Variants in MED13L observed in about 807,000 individuals in gnomAD.
The protein encoded by MED13L is mediator of RNA polymerase II transcription subunit 13-like.
In MED13L, 7 loss-of-function variants were observed where a neutral mutation model predicts 220.9. That is an observed-to-expected ratio of 0.03 (90% CI 0.02 to 0.06). The LOEUF is 0.06. Among genes scored for constraint, MED13L ranks in the 10% least tolerant of loss-of-function variants. The probability of loss-of-function intolerance (pLI) is 1.00; values close to 1 mark genes in which losing one functional copy is unlikely to be tolerated. For missense variants in MED13L, 1,965 were observed against 2,760.5 expected (o/e 0.71, Z 6.46); for synonymous variants, 1,011 against 1,015.2 (o/e 1.00, Z 0.08).
At chr12:116,211,533 C>T (rs1366216166) in intron 2 of MED13L, among the ~76,000 whole-genome samples, 2 of 152,116 alleles carry the variant, frequency 1.3e-5, no homozygotes, top group African/African-American at 4.8e-5. Flanking sequence ...CATTTCTAAA[C>T]TAAGTATCGG....
intron 1 of MED13L, among the ~76,000 whole-genome samples, chr12:116,272,738 G>A (rs1016095648): frequency 6.6e-6 from 1 of 152,088 alleles, no homozygotes; most frequent in Admixed American, 6.5e-5. Context: ...TAGCATACAG[G>A]CCTAAGGTAC....
At chr12:116,152,899 A>G (rs896945220) in intron 2 of MED13L, among the ~76,000 whole-genome samples, 1 of 152,094 alleles carries the variant, frequency 6.6e-6, no homozygotes, top group Non-Finnish European at 1.5e-5. Flanking sequence ...TATTCTATCT[A>G]GATTTTCATA....
intron 1 of MED13L, among the ~76,000 whole-genome samples, chr12:116,264,590 A>T (rs996355795): frequency 6.6e-6 from 1 of 152,146 alleles, no homozygotes; most frequent in Non-Finnish European, 1.5e-5. Flanking sequence ...CCTTTCTTAG[A>T]TCATCACATC....
At chr12:116,233,469 G>C (rs1041432287) in intron 2 of MED13L, among the ~76,000 whole-genome samples, 2 of 151,990 alleles carry the variant, frequency 1.3e-5, no homozygotes, top group African/African-American at 4.8e-5. Context: ...AAGTCTAAAT[G>C]TCTTATCCTT....
intron 4 of MED13L, among the ~76,000 whole-genome samples, chr12:116,031,186 A>T (rs1880713856): frequency 6.6e-6 from 1 of 152,290 alleles, no homozygotes; most frequent in East Asian, 1.9e-4. Context: ...AATCCCTTTT[A>T]AAAAATGGAG....
intron 28 of MED13L, among the ~76,000 whole-genome samples, chr12:115,966,881 C>A (rs1876202160): frequency 6.6e-6 from 1 of 152,096 alleles, no homozygotes; most frequent in South Asian, 2.1e-4. Context: ...TTTTAAAAGT[C>A]TCTGTTTATG....
chr12:116,006,286 C>T lies in MED13L; in HGVS notation c.2344+20G>A. 1 of 1,598,460 alleles carries T rather than the reference C, an allele frequency of 6.3e-7. No homozygotes were observed. The highest frequency in any genetic ancestry group is 1.1e-5 in the South Asian group (1 of 90,758). On this transcript the variant is annotated intron_variant, in intron 12 of 30. Transcript: ENST00000281928. ...CATTTTAGCAACAATCCAAGTGAGGCAAATAATCATTGTACACACCTGTTT... is the reference window on the plus strand; with the variant it reads ...CATTTTAGCAACAATCCAAGTGAGGTAAATAATCATTGTACACACCTGTTT...
At chr12:116,201,235 AC>A (rs1233161781) in intron 2 of MED13L, among the ~76,000 whole-genome samples, 1 of 152,218 alleles carries the variant, frequency 6.6e-6, no homozygotes, top group Middle Eastern at 3.2e-3. Flanking sequence ...TGAAAATGTT[AC>A]ACGAAGAAGT....
intron 2 of MED13L, among the ~76,000 whole-genome samples, chr12:116,209,185 A>C (rs922619202): frequency 1.3e-5 from 2 of 152,184 alleles, no homozygotes; most frequent in African/African-American, 4.8e-5. Context: ...TCGGAGCCTA[A>C]TGGTTTTTTA....
intron 2 of MED13L, among the ~76,000 whole-genome samples, chr12:116,128,460 G>C (rs1052601873): frequency 6.7e-6 from 1 of 150,038 alleles, no homozygotes; most frequent in Non-Finnish European, 1.5e-5. Flanking sequence ...AAAAAAACAA[G>C]AAAATAAATT....
rs1555239023 is a variant in MED13L at position 115,958,946 on chromosome 12, C to T, written c.*2320G>A. The T allele has an allele frequency of 6.7e-6, 1 of 148,904 alleles. No individual in the cohort carries two copies. The highest frequency in any genetic ancestry group is 1.5e-5 in the Non-Finnish European group (1 of 65,584). 9.2% of individuals were successfully genotyped at this position (148,904 alleles called of 1,614,324 possible). On this transcript the variant is annotated 3_prime_UTR_variant, in exon 31 of 31. Transcript: ENST00000281928. ...CACCCTTTTCCCCTCCCCATTTCCC[C>T]TTTTTTTGTTCAAACCATGGTAAGA...
At chr12:116,089,224 C>A (rs756155735) in intron 4 of MED13L, among the ~76,000 whole-genome samples, 8 of 152,108 alleles carry the variant, frequency 5.3e-5, no homozygotes, top group Admixed American at 1.3e-4. Context: ...TCACTAAATT[C>A]TTTTCTATAA....
intron 4 of MED13L, among the ~76,000 whole-genome samples, chr12:116,045,504 A>G (rs1304690855): frequency 6.6e-6 from 1 of 152,206 alleles, no homozygotes; most frequent in Non-Finnish European, 1.5e-5. Flanking sequence ...TTCCTTTACT[A>G]GCCCCTGTGG....
intron 4 of MED13L, among the ~76,000 whole-genome samples, chr12:116,083,553 G>A (rs1871382246): frequency 6.6e-6 from 1 of 152,118 alleles, no homozygotes; most frequent in Non-Finnish European, 1.5e-5. Context: ...AATTAAGAAT[G>A]GGAGTTATAA....
At chr12:116,249,452 C>T (rs1871330668) in intron 1 of MED13L, among the ~76,000 whole-genome samples, 1 of 151,824 alleles carries the variant, frequency 6.6e-6, no homozygotes, top group Non-Finnish European at 1.5e-5. Flanking sequence ...GTCCAGCAAC[C>T]AATAAAAAAT....
At chr12:116,005,072 C>A (rs557961959) in intron 13 of MED13L, among the ~76,000 whole-genome samples, 1 of 152,216 alleles carries the variant, frequency 6.6e-6, no homozygotes, top group Admixed American at 6.5e-5. Flanking sequence ...AGCCTTAGTA[C>A]CACCACAAAG....
chr12:116,141,931 G>A (rs10850596), intron 2 of MED13L, among the ~76,000 whole-genome samples: 61,690 of 151,626 alleles, frequency 0.41, 13,089 homozygotes, highest in African/African-American at 0.45. Context: ...CACGCCCACT[G>A]CTCTTCCCCT....
chr12:116,277,322 C>G lies in MED13L; in HGVS notation c.-191G>C, dbSNP rs1873957208. Reference sequence around the variant, plus strand: ...CGACGCCGCGCCGGGGGCAGCGGGCCCGGGCTGGCGGGGGGGGCGCGCGCC... The same window carrying G: ...CGACGCCGCGCCGGGGGCAGCGGGCGCGGGCTGGCGGGGGGGGCGCGCGCC... On this transcript the variant is annotated 5_prime_UTR_variant, in exon 1 of 31. Coordinates refer to ENST00000281928, the MANE Select transcript of MED13L (RefSeq NM_015335.5). 1 of 147,210 alleles carries G rather than the reference C, an allele frequency of 6.8e-6. No homozygotes were observed. Among genetic ancestry groups the G allele is most frequent in the Admixed American group, 6.8e-5 (1 of 14,750 alleles). The allele number at this position is 147,210 out of a possible 1,614,324, so 9.1% of individuals were successfully genotyped here.
At chr12:116,125,424 C>G (rs978739522) in intron 2 of MED13L, among the ~76,000 whole-genome samples, 1 of 152,134 alleles carries the variant, frequency 6.6e-6, no homozygotes, top group Non-Finnish European at 1.5e-5. Flanking sequence ...CCTGTGCTAC[C>G]ACAGCAGGTT....
Sources: gnomAD v4.1 joint callset for allele counts (sites outside exome capture counted in the v4.1 genomes callset) on GRCh38, gnomAD v4.1.1 for gene constraint, MANE v1.5 for transcripts, NCBI Gene and HGNC (gene_info 2026-07-23, HGNC 2026-07-21) for gene names.